CLVS1: variants seen among roughly 807,000 people sequenced by gnomAD.
The protein encoded by CLVS1 is clavesin 1, also known as clavesin-1.
Under a neutral mutation model 33.1 loss-of-function variants are expected in CLVS1, and 10 were observed. The ratio of observed to expected loss-of-function variants is 0.30; its 90% CI spans 0.19 to 0.51. CLVS1 has a LOEUF of 0.51. Ranked by LOEUF, CLVS1 falls within the 20% of genes least tolerant of loss-of-function variation. The pLI, the probability that CLVS1 is intolerant of heterozygous loss-of-function variation, is 0.97. For missense variants in CLVS1, 343 were observed against 433.4 expected, an observed-to-expected ratio of 0.79 and a Z score of 1.85; for synonymous variants, 163 against 166.1, an observed-to-expected ratio of 0.98 and a Z score of 0.14.
intron 5 of CLVS1, among the ~76,000 whole-genome samples, chr8:61,488,653 A>G (rs934278814): frequency 6.6e-6 from 1 of 152,184 alleles, no homozygotes; most frequent in African/African-American, 2.4e-5. Context: ...CAAGCACTTT[A>G]TTGTATCTTT....
intron 2 of CLVS1, among the ~76,000 whole-genome samples, chr8:61,185,906 T>C (rs1807335623): frequency 6.6e-6 from 1 of 152,224 alleles, no homozygotes; most frequent in Non-Finnish European, 1.5e-5. Context: ...TATACAAATG[T>C]TAGCCGTTGG....
chr8:61,470,009 T>C (rs957468649), intron 5 of CLVS1, among the ~76,000 whole-genome samples: 3 of 152,224 alleles, frequency 2.0e-5, no homozygotes, highest in Non-Finnish European at 2.9e-5. Context: ...AAATTCCCAG[T>C]GTTTAATGCT....
At chr8:61,070,095 T>C (rs1215771289) in intron 1 of CLVS1, among the ~76,000 whole-genome samples, 2 of 152,134 alleles carry the variant, frequency 1.3e-5, no homozygotes, top group Non-Finnish European at 2.9e-5. Context: ...GCCTGGCCTC[T>C]CCAGGTTTTT....
intron 3 of CLVS1, among the ~76,000 whole-genome samples, chr8:61,392,944 T>G (rs1370789743): frequency 6.6e-6 from 1 of 152,104 alleles, no homozygotes. Context: ...AGTGCAATTG[T>G]GCTATCTCGG....
intron 2 of CLVS1, among the ~76,000 whole-genome samples, chr8:61,321,136 G>A (rs1404636033): frequency 1.3e-5 from 2 of 152,156 alleles, no homozygotes; most frequent in African/African-American, 2.4e-5. Context: ...TGTTTGATGT[G>A]TTTTTCATTG....
intron 1 of CLVS1, among the ~76,000 whole-genome samples, chr8:61,095,231 A>G (rs1441005129): frequency 6.6e-6 from 1 of 152,162 alleles, no homozygotes; most frequent in African/African-American, 2.4e-5. Flanking sequence ...TTTTTCTTCA[A>G]TTAAAGAAGA....
intron 2 of CLVS1, among the ~76,000 whole-genome samples, chr8:61,236,085 A>T (rs1412270490): frequency 1.3e-5 from 2 of 152,182 alleles, no homozygotes; most frequent in Non-Finnish European, 2.9e-5. Flanking sequence ...AAAGTCTGCC[A>T]GTAATGAGTT....
At chr8:61,347,665 T>C (rs1312665823) in intron 2 of CLVS1, among the ~76,000 whole-genome samples, 25 of 94,250 alleles carry the variant, frequency 2.7e-4, no homozygotes, top group Non-Finnish European at 5.4e-4. Context: ...TATATATATA[T>C]ATATATATAT....
chr8:61,321,950 CT>C (rs531480059), intron 2 of CLVS1, among the ~76,000 whole-genome samples: 36 of 152,164 alleles, frequency 2.4e-4, no homozygotes, highest in African/African-American at 8.4e-4. Context: ...GCTATTTTTT[CT>C]TTTCCATACA....
chr8:61,089,983 T>C (rs1158616649), intron 1 of CLVS1, among the ~76,000 whole-genome samples: 1 of 152,180 alleles, frequency 6.6e-6, no homozygotes, highest in African/African-American at 2.4e-5. Context: ...TCATTTACCA[T>C]CTAATGCTAA....
intron 2 of CLVS1, among the ~76,000 whole-genome samples, chr8:61,326,686 C>A (rs542589373): frequency 2.0e-5 from 3 of 152,220 alleles, no homozygotes; most frequent in African/African-American, 7.2e-5. Context: ...CCACAGAAAC[C>A]AAATCCTCTT....
intron 3 of CLVS1, among the ~76,000 whole-genome samples, chr8:61,439,467 T>C (rs1178818031): frequency 6.6e-6 from 1 of 152,210 alleles, no homozygotes; most frequent in Non-Finnish European, 1.5e-5. Context: ...GCTAGGTGGA[T>C]TTGCATTTCA....
At chr8:61,422,590 A>C (rs894166575) in intron 3 of CLVS1, among the ~76,000 whole-genome samples, 3 of 152,184 alleles carry the variant, frequency 2.0e-5, no homozygotes, top group African/African-American at 4.8e-5. Context: ...ATGTATACCT[A>C]GTGCTTAGCT....
At chr8:61,317,438 T>A (rs913283602) in intron 2 of CLVS1, among the ~76,000 whole-genome samples, 12 of 152,208 alleles carry the variant, frequency 7.9e-5, no homozygotes, top group Admixed American at 7.2e-4. Context: ...AATGTCTTTA[T>A]ATATGGATAT....
chr8:61,409,296 CTTTG>C (rs1373171210), intron 3 of CLVS1, among the ~76,000 whole-genome samples: 3 of 151,990 alleles, frequency 2.0e-5, no homozygotes, highest in East Asian at 3.9e-4. Context: ...GTTTCTTTGT[CTTTG>C]TTTATTTGTG....
At chr8:61,091,423 T>C (rs963753405) in intron 1 of CLVS1, among the ~76,000 whole-genome samples, 1 of 152,188 alleles carries the variant, frequency 6.6e-6, no homozygotes, top group African/African-American at 2.4e-5. Flanking sequence ...ATAGCAACAG[T>C]AGGAAACGAA....
chr8:61,486,488 A>C, intron 5 of CLVS1, among the ~76,000 whole-genome samples: 1 of 152,226 alleles, frequency 6.6e-6, no homozygotes, highest in East Asian at 1.9e-4. Flanking sequence ...TTAACCTTTA[A>C]TTTGAACCAA....
intron 2 of CLVS1, among the ~76,000 whole-genome samples, chr8:61,167,095 A>G (rs191641635): frequency 6.6e-6 from 1 of 151,870 alleles, no homozygotes; most frequent in African/African-American, 2.4e-5. Flanking sequence ...GGGAAACTGA[A>G]GATCTTCTCA....
chr8:61,034,690 A>C, the CLVS1 span, among the ~76,000 whole-genome samples: 3 of 152,168 alleles, frequency 2.0e-5, no homozygotes, highest in Admixed American at 6.5e-5. Context: ...CTATTGCAAA[A>C]GCCAGGAACA....
Sources: allele counts gnomAD v4.1 joint callset (sites outside exome capture counted in the v4.1 genomes callset), GRCh38; gene constraint gnomAD v4.1.1; transcripts MANE v1.5; gene names NCBI Gene and HGNC (gene_info 2026-07-23, HGNC 2026-07-21).